Variants in CNTN4 observed in about 807,000 individuals in gnomAD.
CNTN4 encodes the protein contactin-4.
A neutral mutation model predicts 122.5 loss-of-function variants in CNTN4; 77 were observed. The ratio of observed to expected loss-of-function variants is 0.63; its 90% CI spans 0.52 to 0.76. The LOEUF is 0.76. Among genes scored for constraint, CNTN4 ranks in the 30% least tolerant of loss-of-function variants. The pLI is 0.00. For missense variants in CNTN4, 1,256 were observed against 1,259.1 expected (o/e 1.00, Z 0.04); for synonymous variants, 512 against 447.0 (o/e 1.15, Z -1.83).
chr3:2,859,896 T>C (rs2093655143), intron 7 of CNTN4, among the ~76,000 whole-genome samples: 1 of 152,042 alleles, frequency 6.6e-6, no homozygotes, highest in Non-Finnish European at 1.5e-5. Context: ...CCCCAAAAAA[T>C]AGAGGCAAGA....
At chr3:2,582,635 C>A (rs932866354) in intron 4 of CNTN4, among the ~76,000 whole-genome samples, 11 of 152,124 alleles carry the variant, frequency 7.2e-5, no homozygotes, top group African/African-American at 2.7e-4. Context: ...TGGATTCCAC[C>A]CCAAGAGCAG....
rs556977894 is a variant in CNTN4, at chr3:2,248,067, G to A, written c.-144-91111G>A. 9.9e-5 allele frequency among the ~76,000 whole-genome samples: 15 copies of A among 152,014 alleles called. No individual in the cohort carries two copies. The East Asian group carries it at 2.5e-3, about 25-fold the overall frequency. On this transcript the variant is annotated intron_variant, in intron 2 of 24. Transcript: ENST00000418658. ...TTTGTTTACTATCTCCTCATGCTAG[G>A]TTGTAAGCCGTGTGAATGCTGAGAC...
chr3:2,297,305 T>G (rs186972610), intron 2 of CNTN4, among the ~76,000 whole-genome samples: 3 of 152,340 alleles, frequency 2.0e-5, no homozygotes, highest in Admixed American at 2.0e-4. Flanking sequence ...TTTTAAAATT[T>G]TCATCAGAAG....
chr3:2,450,659 C>G (rs552662674), intron 3 of CNTN4, among the ~76,000 whole-genome samples: 4 of 152,230 alleles, frequency 2.6e-5, no homozygotes, highest in Non-Finnish European at 5.9e-5. Flanking sequence ...AAATGCCACT[C>G]AAGGTTTTAT....
intron 2 of CNTN4, among the ~76,000 whole-genome samples, chr3:2,287,685 GAAGAAGA>G (rs1559415646): frequency 2.2e-5 from 2 of 90,064 alleles, no homozygotes; most frequent in Non-Finnish European, 4.7e-5. Flanking sequence ...AGAAGAAGAA[GAAGAAGA>G]GGAAGAAGAA....
intron 4 of CNTN4, among the ~76,000 whole-genome samples, chr3:2,711,884 C>A (rs948156338): frequency 7.9e-5 from 12 of 152,210 alleles, no homozygotes; most frequent in African/African-American, 2.9e-4. Context: ...CAGAGCCTAT[C>A]TACCAGTTGT....
At chr3:2,275,047 A>C (rs2041448782) in intron 2 of CNTN4, among the ~76,000 whole-genome samples, 1 of 152,216 alleles carries the variant, frequency 6.6e-6, no homozygotes, top group African/African-American at 2.4e-5. Flanking sequence ...CTCCATAGAA[A>C]GATTAGAATG....
At chr3:2,768,211 A>G (rs188373436) in intron 6 of CNTN4, among the ~76,000 whole-genome samples, 3 of 152,286 alleles carry the variant, frequency 2.0e-5, no homozygotes, top group Non-Finnish European at 4.4e-5. Context: ...TGAATGGCGA[A>G]TCCGGTAATA....
At chr3:2,916,729 C>CA (rs1559660787) in intron 12 of CNTN4, among the ~76,000 whole-genome samples, 1 of 144,192 alleles carries the variant, frequency 6.9e-6, no homozygotes, top group Non-Finnish European at 1.5e-5. Context: ...ACCTCCCAGA[C>CA]GGGGTGGCGG....
chr3:2,633,479 G>A (rs1190923390), intron 4 of CNTN4, among the ~76,000 whole-genome samples: 2 of 152,152 alleles, frequency 1.3e-5, no homozygotes, highest in Non-Finnish European at 2.9e-5. Context: ...GGTGGACTTT[G>A]GGTCCATAAA....
intron 3 of CNTN4, among the ~76,000 whole-genome samples, chr3:2,436,782 A>G (rs146572688): frequency 2.0e-4 from 30 of 147,562 alleles, no homozygotes; most frequent in Admixed American, 1.0e-3. Flanking sequence ...TATATGAAAT[A>G]TATGTATATA....
chr3:2,159,488 G>C (rs1027196109), intron 2 of CNTN4, among the ~76,000 whole-genome samples: 1 of 152,138 alleles, frequency 6.6e-6, no homozygotes, highest in Non-Finnish European at 1.5e-5. Context: ...AGGGGTCTCT[G>C]AGCATTGGGA....
At chr3:2,340,710 T>TAGAGAGAGAGAGAGAGAGAGAGAGAGAG (rs747326741) in intron 3 of CNTN4, among the ~76,000 whole-genome samples, 1 of 18,306 alleles carries the variant, frequency 5.5e-5, no homozygotes, top group Non-Finnish European at 1.6e-4. Flanking sequence ...TATATATATA[T>TAGAGAGAGAGAGAGAGAGAGAGAGAGAG]AGAGAGAGAG....
chr3:2,992,105 G>A (rs1417990369), intron 14 of CNTN4, among the ~76,000 whole-genome samples: 1 of 152,172 alleles, frequency 6.6e-6, no homozygotes, highest in African/African-American at 2.4e-5. Context: ...GCAGGTAGGG[G>A]AGGAGAGGGA....
intron 3 of CNTN4, among the ~76,000 whole-genome samples, chr3:2,514,779 T>C (rs967828640): frequency 2.0e-5 from 3 of 152,212 alleles, no homozygotes; most frequent in African/African-American, 7.2e-5. Context: ...CATTCATGCC[T>C]GGAACGGCCT....
chr3:2,896,031 T>C lies in CNTN4; in HGVS notation c.941-4654T>C, dbSNP rs541073612. ...CTGGGCGACAGAGCCAGACTCTGTCTCAAAAAAAATAAATAAATAAAAATC... is the reference window on the plus strand; with the variant it reads ...CTGGGCGACAGAGCCAGACTCTGTCCCAAAAAAAATAAATAAATAAAAATC... On this transcript the variant is annotated intron_variant, in intron 10 of 24. Coordinates refer to ENST00000418658, the MANE Select transcript of CNTN4 (RefSeq NM_175607.3). Among the ~76,000 whole-genome samples the C allele has an allele frequency of 1.4e-3, 217 of 152,034 alleles. 1 individual carries two copies. The highest frequency in any genetic ancestry group is 4.7e-3 in the African/African-American group (194 of 41,444).
intron 2 of CNTN4, among the ~76,000 whole-genome samples, chr3:2,279,342 G>A (rs911517532): frequency 6.6e-6 from 1 of 152,126 alleles, no homozygotes; most frequent in Non-Finnish European, 1.5e-5. Context: ...GTTGTTATAT[G>A]CCCTGGGATA....
intron 3 of CNTN4, among the ~76,000 whole-genome samples, chr3:2,346,151 T>C (rs3856838): frequency 0.49 from 74,492 of 151,508 alleles, 18,484 homozygotes; most frequent in Admixed American, 0.52. Flanking sequence ...CTAAATGCTT[T>C]TCCACCTTCT....
intron 2 of CNTN4, among the ~76,000 whole-genome samples, chr3:2,106,727 G>C (rs2032480237): frequency 6.6e-6 from 1 of 152,256 alleles, no homozygotes; most frequent in Admixed American, 6.5e-5. Context: ...CATTGTCCTG[G>C]CTCCTCCTTA....
Sources: gnomAD v4.1 joint callset for allele counts (sites outside exome capture counted in the v4.1 genomes callset) on GRCh38, gnomAD v4.1.1 for gene constraint, MANE v1.5 for transcripts, NCBI Gene and HGNC (gene_info 2026-07-23, HGNC 2026-07-21) for gene names.